Variants in CLYBL observed in about 807,000 individuals in gnomAD.
CLYBL encodes the protein citramalyl-CoA lyase.
Under a neutral mutation model 38.9 loss-of-function variants are expected in CLYBL, and 31 were observed. The ratio of observed to expected loss-of-function variants is 0.80; its 90% CI spans 0.60 to 1.08. CLYBL has a LOEUF of 1.08. Ranked by LOEUF, CLYBL falls within the 50% of genes least tolerant of loss-of-function variation. CLYBL has a pLI of 0.00. For synonymous variants in CLYBL, 171 were observed against 158.6 expected (o/e 1.08, Z -0.59); for missense variants, 434 against 411.6 (o/e 1.05, Z -0.47).
Position 99,797,456 on chromosome 13 carries a change from G to A in CLYBL, c.249+24446G>A, listed in dbSNP as rs2050044030. Among the ~76,000 whole-genome samples the A allele has an allele frequency of 2.0e-5, 3 of 152,038 alleles. No homozygotes were observed. The East Asian group carries it at 5.8e-4, about 29-fold the overall frequency. On this transcript the variant is annotated intron_variant, in intron 2 of 8. Transcript: ENST00000339105. Reference sequence around the variant, plus strand: ...ATATTCCAGTCAAATTTCTGGTTTTGGAGCTGAGTTTATTGCCTGTTTGTT... The same window carrying A: ...ATATTCCAGTCAAATTTCTGGTTTTAGAGCTGAGTTTATTGCCTGTTTGTT...
intron 1 of CLYBL, among the ~76,000 whole-genome samples, chr13:99,663,893 A>G (rs1008547961): frequency 7.9e-5 from 12 of 152,232 alleles, no homozygotes; most frequent in African/African-American, 2.9e-4. Context: ...AGAACCATTT[A>G]TTTTGTTTCA....
chr13:99,718,993 C>T (rs2048357197), intron 1 of CLYBL, among the ~76,000 whole-genome samples: 1 of 152,126 alleles, frequency 6.6e-6, no homozygotes. Context: ...CAGGCATGCA[C>T]CACCACGCCT....
chr13:99,877,671 G>C (rs2052084932), intron 7 of CLYBL: 1 of 311,178 alleles, frequency 3.2e-6, no homozygotes, highest in Admixed American at 4.8e-5. Flanking sequence ...CCGCCTCCCG[G>C]GTTCAAGTGA....
chr13:99,610,698 C>T (rs1244310003), intron 1 of CLYBL, among the ~76,000 whole-genome samples: 1 of 152,198 alleles, frequency 6.6e-6, no homozygotes, highest in Admixed American at 6.5e-5. Flanking sequence ...TAGACATGAG[C>T]ACTTAAGGTC....
At chr13:99,738,929 A>T (rs2048708106) in intron 1 of CLYBL, among the ~76,000 whole-genome samples, 3 of 152,314 alleles carry the variant, frequency 2.0e-5, no homozygotes, top group Admixed American at 1.3e-4. Context: ...CATTGTCATG[A>T]GGATTCAAAA....
At chr13:99,842,113 C>T (rs561740160) in intron 2 of CLYBL, among the ~76,000 whole-genome samples, 1 of 152,244 alleles carries the variant, frequency 6.6e-6, no homozygotes, top group South Asian at 2.1e-4. Context: ...CCACCGTGCC[C>T]AGCTGGAACA....
chr13:99,778,312 A>T (rs1186331337), intron 2 of CLYBL, among the ~76,000 whole-genome samples: 1 of 151,974 alleles, frequency 6.6e-6, no homozygotes, highest in African/African-American at 2.4e-5. Context: ...TTTATTTCTC[A>T]GTAAGAAGAA....
At chr13:99,702,102 C>A (rs550970414) in intron 1 of CLYBL, among the ~76,000 whole-genome samples, 1 of 152,024 alleles carries the variant, frequency 6.6e-6, no homozygotes. Flanking sequence ...TTTCATCACA[C>A]CTTTTATTTT....
chr13:99,739,706 G>A (rs1371661833), intron 1 of CLYBL, among the ~76,000 whole-genome samples: 1 of 152,228 alleles, frequency 6.6e-6, no homozygotes, highest in Admixed American at 6.5e-5. Flanking sequence ...GGGCATGGTG[G>A]CTCACGCCGG....
chr13:99,828,215 A>C (rs993713710), intron 2 of CLYBL, among the ~76,000 whole-genome samples: 1 of 152,242 alleles, frequency 6.6e-6, no homozygotes, highest in South Asian at 2.1e-4. Context: ...GAAAGGAGGC[A>C]GGAAGAGCCA....
chr13:99,827,543 GTCAGCCCTTGTCAGTAA>G (rs2050719604), intron 2 of CLYBL, among the ~76,000 whole-genome samples: 2 of 152,268 alleles, frequency 1.3e-5, no homozygotes, highest in East Asian at 3.9e-4. Flanking sequence ...TTAGGAGCCT[GTCAGCCCTTGTCAGTAA>G]TCAGCCCAGG....
intron 1 of CLYBL, among the ~76,000 whole-genome samples, chr13:99,672,643 G>T (rs1416184337): frequency 6.6e-6 from 1 of 151,820 alleles, no homozygotes; most frequent in East Asian, 1.9e-4. Flanking sequence ...AGGCGTGGTG[G>T]TGTGTGCCTA....
In CLYBL at chr13:99,869,453, G is replaced by A. The variant is rs548612405; in HGVS notation, c.803-1485G>A. On this transcript the variant is annotated intron_variant, in intron 6 of 8. Coordinates refer to ENST00000339105, the MANE Select transcript of CLYBL (RefSeq NM_206808.5). The surrounding 1 kb of genome is among the most constrained non-coding windows in gnomAD (Gnocchi z 4.3). Reference sequence around the variant, plus strand: ...AAATATAATCTCGATACCTACTACCGAAAAAAGCCCTCTTGTCATCCCTCA... The same window carrying A: ...AAATATAATCTCGATACCTACTACCAAAAAAAGCCCTCTTGTCATCCCTCA... 8.5e-5 allele frequency among the ~76,000 whole-genome samples: 13 copies of A among 152,092 alleles called. No homozygotes were observed. Among genetic ancestry groups the A allele is most frequent in the Admixed American group, 5.2e-4 (8 of 15,278 alleles).
intron 1 of CLYBL, among the ~76,000 whole-genome samples, chr13:99,607,340 AT>A (rs1314017674): frequency 2.0e-5 from 3 of 152,132 alleles, no homozygotes; most frequent in Non-Finnish European, 4.4e-5. Flanking sequence ...TGGTTTTTAT[AT>A]TTTTGAAAAT....
At chr13:99,873,818 A>G (rs1227437763) in intron 7 of CLYBL, among the ~76,000 whole-genome samples, 2 of 152,192 alleles carry the variant, frequency 1.3e-5, no homozygotes, top group Non-Finnish European at 2.9e-5. Context: ...TCATGGGACT[A>G]CTTAGACCAT....
At chr13:99,747,748 A>G (rs1392741953) in intron 1 of CLYBL, among the ~76,000 whole-genome samples, 1 of 152,166 alleles carries the variant, frequency 6.6e-6, no homozygotes, top group Non-Finnish European at 1.5e-5. Context: ...GCTAACAGAC[A>G]GTAGCTTCTG....
intron 1 of CLYBL, chr13:99,643,201 G>A (rs1420376683): frequency 1.3e-5 from 2 of 152,730 alleles, no homozygotes; most frequent in Admixed American, 6.5e-5. Context: ...TGCCTCTGGA[G>A]TGGCCAGAAG....
intron 9 of CLYBL, among the ~76,000 whole-genome samples, chr13:99,905,895 A>C (rs1014340680): frequency 2.6e-5 from 4 of 151,786 alleles, no homozygotes; most frequent in Admixed American, 6.6e-5. Context: ...CCAGGACCCC[A>C]CCCAAGTAGC....
intron 7 of CLYBL, among the ~76,000 whole-genome samples, chr13:99,887,650 G>A (rs984673483): frequency 3.9e-5 from 6 of 152,172 alleles, no homozygotes; most frequent in Non-Finnish European, 7.3e-5. Flanking sequence ...CCACATGGGA[G>A]GCTGAGGCAG....
Sources: allele counts gnomAD v4.1 joint callset (sites outside exome capture counted in the v4.1 genomes callset), GRCh38; gene constraint gnomAD v4.1.1; non-coding constraint Gnocchi (gnomAD v3.1); transcripts MANE v1.5; gene names NCBI Gene and HGNC (gene_info 2026-07-23, HGNC 2026-07-21).